The following RSF1 variants were observed in gnomAD, a reference collection of about 807,000 sequenced individuals.
RSF1 encodes the protein remodeling and spacing factor 1, also known as HBV pX-associated protein 8.
A neutral mutation model predicts 145.2 loss-of-function variants in RSF1; 13 were observed. That is an observed-to-expected ratio of 0.09 (90% CI 0.06 to 0.14). The LOEUF is 0.14. RSF1 is among the 10% of genes least tolerant of loss of function. The pLI is 1.00. For missense variants in RSF1, 1,517 were observed against 1,718.2 expected (o/e 0.88, Z 2.07); for synonymous variants, 577 against 592.6 (o/e 0.97, Z 0.38).
chr11:77,820,147 G>A (rs1287027273), intron 1 of RSF1, among the ~76,000 whole-genome samples: 3 of 152,206 alleles, frequency 2.0e-5, no homozygotes, highest in Non-Finnish European at 4.4e-5. Flanking sequence ...AAAGCGCAAA[G>A]CTGGCCGGAA....
chr11:77,673,833 G>T (rs1341169427), intron 14 of RSF1, among the ~76,000 whole-genome samples: 1 of 151,988 alleles, frequency 6.6e-6, no homozygotes, highest in Non-Finnish European at 1.5e-5. Context: ...GGAAACAAAA[G>T]AAATCAAAAC....
At chr11:77,830,883 G>A in the RSF1 span, among the ~76,000 whole-genome samples, 1 of 150,422 alleles carries the variant, frequency 6.6e-6, no homozygotes, top group East Asian at 2.0e-4. Flanking sequence ...GCTCATACCT[G>A]TAATCCCATC....
rs1960398597 is a variant in RSF1, at chr11:77,700,728, A to G, written c.2501T>C (p.Val834Ala). Residue 834 changes from valine to alanine, a missense_variant, in exon 6 of 16, where the codon GTA becomes GCA. This residue lies in a region of RSF1 where 579 missense variants were observed against 553.5 expected (regional missense o/e 1.05). Coordinates refer to ENST00000308488, the MANE Select transcript of RSF1 (RefSeq NM_016578.4). ...KKSEKDTNSK[V>A]SKVKPKGKVR... is the part of the protein sequence containing the mutation. ...AGTTAAGACAAGTTTTACCTTGCTT[A>G]CTTTAGAATTTGTATCTTTCTCTGA... is the stretch of plus-strand genomic sequence containing the variant. The G allele has an allele frequency of 3.8e-6, 6 of 1,572,024 alleles. No homozygotes were observed. Among genetic ancestry groups the G allele is most frequent in the Non-Finnish European group, 5.1e-6 (6 of 1,168,068 alleles).
intron 5 of RSF1, among the ~76,000 whole-genome samples, chr11:77,719,747 T>C (rs1229775402): frequency 6.6e-6 from 1 of 152,206 alleles, no homozygotes; most frequent in Non-Finnish European, 1.5e-5. Flanking sequence ...TACAAATAAA[T>C]ATTATTCATG....
rs1319809319 is a variant in RSF1 at position 77,662,879 on chromosome 11, G to C, written c.*4038C>G. The C allele has an allele frequency of 2.0e-5, 3 of 152,144 alleles. No individual in the cohort carries two copies. Among genetic ancestry groups the C allele is most frequent in the African/African-American group, 7.2e-5 (3 of 41,450 alleles). 9.4% of individuals were successfully genotyped at this position (152,144 alleles called of 1,614,324 possible). A position where few individuals can be genotyped will look rare whatever the true frequency, so the allele number is the denominator to read the frequency against. The stretch of plus-strand genomic sequence containing the variant: ...ATTTTGAGAATGTCAAACATCAGGA[G>C]AAACTGTTGTCTAGATTTTCTGTAA... On this transcript the variant is annotated 3_prime_UTR_variant, in exon 16 of 16. Transcript: ENST00000308488.
intron 6 of RSF1, among the ~76,000 whole-genome samples, chr11:77,699,296 G>C (rs924429553): frequency 6.6e-6 from 1 of 152,040 alleles, no homozygotes; most frequent in Non-Finnish European, 1.5e-5. Context: ...CATTCAGAGA[G>C]CAAATTTATA....
chr11:77,868,959 T>C, the RSF1 span: 1 of 268,536 alleles, frequency 3.7e-6, no homozygotes, highest in Non-Finnish European at 7.2e-6. Flanking sequence ...CTGTAACTTA[T>C]TTGTTTACAA....
At chr11:77,844,512 A>C in the RSF1 span, among the ~76,000 whole-genome samples, 3 of 152,060 alleles carry the variant, frequency 2.0e-5, no homozygotes, top group South Asian at 6.2e-4. Flanking sequence ...ACAGGCATGC[A>C]ATCACACCTG....
At chr11:77,815,452 TAA>T (rs1948772561) in intron 1 of RSF1, among the ~76,000 whole-genome samples, 1 of 152,220 alleles carries the variant, frequency 6.6e-6, no homozygotes, top group Non-Finnish European at 1.5e-5. Context: ...AAAATTTTAT[TAA>T]ATCTAACAAC....
chr11:77,808,755 G>T lies in RSF1; in HGVS notation c.187+11773C>A, dbSNP rs1413214259. Among the ~76,000 whole-genome samples, 2 of 105,974 alleles carry T rather than the reference G, an allele frequency of 1.9e-5. 1 individual carries two copies. Among genetic ancestry groups the T allele is most frequent in the African/African-American group, 9.4e-5 (2 of 21,332 alleles). The allele number at this position is 105,974 out of a possible 152,430, so 69.5% of individuals were successfully genotyped here. A position where few individuals can be genotyped will look rare whatever the true frequency, so the allele number is the denominator to read the frequency against. On this transcript the variant is annotated intron_variant, in intron 1 of 15. Transcript: ENST00000308488. ...TCACCGTGTTAACCGGGATGGTCTCGATCTCCTGACCTCGTGATCCGCCCA... is the reference window on the plus strand; with the variant it reads ...TCACCGTGTTAACCGGGATGGTCTCTATCTCCTGACCTCGTGATCCGCCCA...
At chr11:77,792,627 G>C (rs1024155286) in intron 1 of RSF1, among the ~76,000 whole-genome samples, 5 of 151,882 alleles carry the variant, frequency 3.3e-5, no homozygotes, top group African/African-American at 1.2e-4. Context: ...TACCCCTGAC[G>C]TTGTTTAGAG....
chr11:77,802,832 T>G (rs929404225), intron 1 of RSF1, among the ~76,000 whole-genome samples: 1 of 151,948 alleles, frequency 6.6e-6, no homozygotes, highest in Non-Finnish European at 1.5e-5. Flanking sequence ...ATTACAGGAG[T>G]GAGCCACCAA....
At chr11:77,831,275 A>G in the RSF1 span, among the ~76,000 whole-genome samples, 16 of 152,216 alleles carry the variant, frequency 1.1e-4, no homozygotes, top group Non-Finnish European at 1.9e-4. Flanking sequence ...TGGATCTGCT[A>G]TGTAACAGTC....
intron 11 of RSF1, among the ~76,000 whole-genome samples, chr11:77,680,327 C>T (rs1244613274): frequency 1.3e-5 from 2 of 151,942 alleles, no homozygotes; most frequent in East Asian, 3.9e-4. Flanking sequence ...GTAGTCCTAG[C>T]ACTCTGGGAA....
intron 2 of RSF1, among the ~76,000 whole-genome samples, chr11:77,758,839 C>G (rs1355136185): frequency 6.6e-6 from 1 of 150,690 alleles, no homozygotes; most frequent in Non-Finnish European, 1.5e-5. Flanking sequence ...AAATGCTTAT[C>G]AGTTATATGA....
At chr11:77,731,781 CAGA>C (rs942984485) in intron 4 of RSF1, among the ~76,000 whole-genome samples, 12 of 152,224 alleles carry the variant, frequency 7.9e-5, no homozygotes, top group Non-Finnish European at 1.8e-4. Flanking sequence ...TGTGAATGCA[CAGA>C]AGAACTGGAG....
rs1395851107 is a variant in RSF1, at chr11:77,820,694, C to CGCT, written c.18_20dup (p.Ala9dup). On this transcript the variant is annotated inframe_insertion, in exon 1 of 16. Coordinates refer to ENST00000308488, the MANE Select transcript of RSF1 (RefSeq NM_016578.4). ...AGCCCGGAGGAGCCATCACCGCCGC[C>CGCT]GCTGCCGCCGCCGTCGCCATTTTGA... 1.3e-6 allele frequency: 2 copies of CGCT among 1,550,502 alleles called. No individual in the cohort carries two copies. Among genetic ancestry groups the CGCT allele is most frequent in the South Asian group, 2.4e-5 (2 of 84,088 alleles).
chr11:77,847,350 A>G, the RSF1 span, among the ~76,000 whole-genome samples: 1 of 152,338 alleles, frequency 6.6e-6, no homozygotes, highest in South Asian at 2.1e-4. Flanking sequence ...TGTAGGTTGT[A>G]TAGTCTATCA....
chr11:77,688,429 T>C (rs11237271), intron 9 of RSF1, among the ~76,000 whole-genome samples: 27,454 of 152,142 alleles, frequency 0.18, 3,142 homozygotes, highest in African/African-American at 0.31. Flanking sequence ...TTGAGCAAGA[T>C]GGAGGCAAAG....
Sources: gnomAD v4.1 joint callset for allele counts (sites outside exome capture counted in the v4.1 genomes callset) on GRCh38, gnomAD v4.1.1 for gene constraint, gnomAD v4.1.1 regional missense constraint, MANE v1.5 for transcripts, NCBI Gene and HGNC (gene_info 2026-07-23, HGNC 2026-07-21) for gene names.